CTCFL: variants seen among roughly 807,000 people sequenced by gnomAD.
CTCFL encodes the protein CCCTC-binding factor like, also known as transcriptional repressor CTCFL.
CTCFL carries 36 observed loss-of-function variants against 67.4 expected under a neutral mutation model. The observed-to-expected ratio is 0.53, with a 90% CI of 0.41 to 0.71. The LOEUF (loss-of-function observed/expected upper bound fraction) is 0.71. Among genes scored for constraint, CTCFL ranks in the 30% least tolerant of loss-of-function variants. The pLI is 0.00. For missense variants in CTCFL, 786 were observed against 835.2 expected (o/e 0.94, Z 0.73); for synonymous variants, 324 against 302.3 (o/e 1.07, Z -0.75).
intron 9 of CTCFL, chr20:57,507,217 A>T: frequency 4.8e-6 from 1 of 210,356 alleles, no homozygotes; most frequent in Non-Finnish European, 8.4e-6. Flanking sequence ...TTTGAGACAG[A>T]GTCTTGCTCT....
chr20:57,514,954 C>A, intron 6 of CTCFL: 1 of 565,748 alleles, frequency 1.8e-6, no homozygotes, highest in Non-Finnish European at 3.1e-6. Context: ...ACATGACTTC[C>A]CCGCATCTGG....
In CTCFL at chr20:57,497,227, A is replaced by C. The variant is rs2067735520; in HGVS notation, c.*1323T>G. 1.0e-6 allele frequency: 1 copy of C among 962,546 alleles called. No individual in the cohort carries two copies. Among genetic ancestry groups the C allele is most frequent in the African/African-American group, 1.8e-5 (1 of 56,764 alleles). The allele number at this position is 962,546 out of a possible 1,614,324, so 59.6% of individuals were successfully genotyped here. A position where few individuals can be genotyped will look rare whatever the true frequency, so the allele number is the denominator to read the frequency against. On this transcript the variant is annotated 3_prime_UTR_variant, in exon 11 of 11. Coordinates refer to ENST00000243914, the MANE Select transcript of CTCFL (RefSeq NM_001386993.1). ...TAAAACATCTTTAAATAACAGTAAA[A>C]AAATTAAGAAACCATTGCACAAATT...
At position 57,498,588 on chromosome 20, in the gene CTCFL, C is replaced by T. The variant is rs28472888; in HGVS notation, c.1954G>A (p.Val652Met). 2.6e-3 allele frequency: 4,140 copies of T among 1,614,096 alleles called. 107 individuals are homozygous for T. In the African/African-American group the frequency reaches 0.049, roughly 19 times the overall value. Reference protein sequence around the residue: ...ARVKEEVDEGVTCEMLLNTMD... With the variant: ...ARVKEEVDEGMTCEMLLNTMD... Reference sequence around the variant, plus strand: ...GTGTTGAGGAGCATTTCACAGGTCACGCCTTCATCCACTTCCTCTTTGACT... The same window carrying T: ...GTGTTGAGGAGCATTTCACAGGTCATGCCTTCATCCACTTCCTCTTTGACT... The change falls in exon 11 of 11, where the codon GTG (valine) becomes ATG (methionine). Residue 652 changes from valine (V) to methionine (M), a missense_variant. Val to Met is a conservative substitution (Grantham distance 21). Transcript: ENST00000243914.
intron 7 of CTCFL, 76 bp from the exon 8 acceptor site, chr20:57,512,828 G>A (rs1378464785): frequency 1.1e-5 from 16 of 1,450,496 alleles, no homozygotes; most frequent in South Asian, 2.5e-5. Flanking sequence ...CCTCTAAACC[G>A]GGGTTTCTCA....
At chr20:57,524,306 T>C (rs1414934954) in intron 1 of CTCFL, 90 bp from the exon 2 acceptor site, 2 of 1,518,114 alleles carry the variant, frequency 1.3e-6, no homozygotes, top group African/African-American at 1.4e-5. Flanking sequence ...CTAGCAGGCT[T>C]TGGAGTTGAA....
At chr20:57,506,904 G>C in intron 9 of CTCFL, 1 of 985,146 alleles carries the variant, frequency 1.0e-6, no homozygotes, top group East Asian at 1.1e-4. Context: ...AAACTAATAG[G>C]GTTGACATTC....
At chr20:57,520,933 A>T (rs891378503) in intron 3 of CTCFL, among the ~76,000 whole-genome samples, 1 of 152,232 alleles carries the variant, frequency 6.6e-6, no homozygotes. Context: ...TGTCCTTATA[A>T]GAAGAGGAAA....
intron 7 of CTCFL, among the ~76,000 whole-genome samples, chr20:57,514,087 C>A (rs1339232540): frequency 6.6e-6 from 1 of 152,230 alleles, no homozygotes; most frequent in Non-Finnish European, 1.5e-5. Flanking sequence ...CGCCTCCTTT[C>A]CCGAAGTGAC....
chr20:57,504,993 T>C (rs11700100), intron 9 of CTCFL, among the ~76,000 whole-genome samples: 38,856 of 151,672 alleles, frequency 0.26, 7,104 homozygotes, highest in Non-Finnish European at 0.35. Flanking sequence ...GGTGTGGATA[T>C]CTGGTCTTAC....
rs267606013 is a variant in CTCFL, at chr20:57,514,606, C to T, written c.1316G>A (p.Arg439Gln). 6 of 1,613,980 alleles carry T rather than the reference C, an allele frequency of 3.7e-6. No individual in the cohort carries two copies. Among genetic ancestry groups the T allele is most frequent in the East Asian group, 2.2e-5 (1 of 44,900 alleles). Residue 439 changes from arginine to glutamine, a missense_variant, in exon 7 of 11, where the codon CGG becomes CAG. By Grantham distance (43) the Arg-to-Gln change is conservative. Around this residue, in one of 3 missense-constraint regions of CTCFL, gnomAD observed 254 missense variants for 333.9 expected, o/e 0.76. Coordinates refer to ENST00000243914, the MANE Select transcript of CTCFL (RefSeq NM_001386993.1). ...AAACCACTCACGTAGGTCGCTTTTC[C>T]GTGCAATGATGGTGGCACAATGGGG... is the stretch of plus-strand genomic sequence containing the variant. ...QCPHCATIIA[R>Q]KSDLRVHMRN...
intron 10 of CTCFL, among the ~76,000 whole-genome samples, chr20:57,501,432 T>G (rs1453134963): frequency 6.8e-6 from 1 of 147,960 alleles, no homozygotes. Context: ...GGGGGGTGGG[T>G]TCCAGACTCA....
intron 9 of CTCFL, chr20:57,507,097 G>A (rs934595301): frequency 1.0e-6 from 1 of 962,250 alleles, no homozygotes; most frequent in African/African-American, 1.8e-5. Context: ...TAAATGTCCT[G>A]AAATTCTTTG....
intron 9 of CTCFL, chr20:57,507,714 A>G: frequency 1.4e-6 from 1 of 703,006 alleles, no homozygotes; most frequent in Non-Finnish European, 2.6e-6. Context: ...CCTGGCGGAC[A>G]TCCTGACTGC....
chr20:57,524,894 C>T, intron 1 of CTCFL, 134 bp downstream of exon 1: 1 of 362,346 alleles, frequency 2.8e-6, no homozygotes, highest in Non-Finnish European at 3.8e-6. Context: ...CCCGACCCGA[C>T]CCTCCCAGGC....
downstream of CTCFL, chr20:57,497,107 C>T (rs941352915): frequency 5.3e-5 from 21 of 397,978 alleles, no homozygotes; most frequent in African/African-American, 4.4e-4. Flanking sequence ...CCAATTTCTC[C>T]ACATTCTCTC....
chr20:57,497,147 T>C (rs530517313), downstream of CTCFL: 8 of 655,290 alleles, frequency 1.2e-5, no homozygotes, highest in South Asian at 5.4e-4. Flanking sequence ...TAAAGACCAA[T>C]GCTGACATAT....
In CTCFL at chr20:57,512,507, G is replaced by GT; in HGVS notation, c.1491+84dup. ...TCTATTAAAAGCATGACTTTTCTCAGTATCTTCAAGGTGGTAGAGAATCCC... is the reference window on the plus strand; with the variant it reads ...TCTATTAAAAGCATGACTTTTCTCAGTTATCTTCAAGGTGGTAGAGAATCCC... On this transcript the variant is annotated intron_variant, in intron 8 of 10. Transcript: ENST00000243914. 9 of 1,338,008 alleles carry GT rather than the reference G, an allele frequency of 6.7e-6. No individual in the cohort carries two copies. In the Middle Eastern group the frequency reaches 9.6e-4, roughly 143 times the overall value. 82.9% of individuals were successfully genotyped at this position (1,338,008 alleles called of 1,614,324 possible).
In CTCFL at chr20:57,523,743, C is replaced by T. The variant is rs368620834; in HGVS notation, c.463G>A (p.Ala155Thr). 1.2e-6 allele frequency: 2 copies of T among 1,613,274 alleles called. No homozygotes were observed. Among genetic ancestry groups the T allele is most frequent in the Middle Eastern group, 1.6e-4 (1 of 6,084 alleles). Residue 155 changes from alanine (A) to threonine (T), a missense_variant, in exon 2 of 11, where the codon GCT (alanine) becomes ACT (threonine). Around this residue, in one of 3 missense-constraint regions of CTCFL, gnomAD observed 333 missense variants for 304.6 expected, o/e 1.09. Coordinates refer to ENST00000243914, the MANE Select transcript of CTCFL (RefSeq NM_001386993.1). ...PQEMEVLQFHALEENVMVASE... is the reference protein window; with the variant it reads ...PQEMEVLQFHTLEENVMVASE... Reference sequence around the variant, plus strand: ...GCCACCATCACATTCTCCTCTAGAGCGTGGAACTGCAACACCTCCATCTCT... The same window carrying T: ...GCCACCATCACATTCTCCTCTAGAGTGTGGAACTGCAACACCTCCATCTCT...
At chr20:57,495,987 ATC>A (rs2067721162), downstream of CTCFL, 3 of 341,830 alleles carry the variant, frequency 8.8e-6, no homozygotes, top group South Asian at 3.0e-4. Flanking sequence ...TATTTATGTT[ATC>A]TGTTTTTGAA....
Sources: allele counts gnomAD v4.1 joint callset (sites outside exome capture counted in the v4.1 genomes callset), GRCh38; gene constraint gnomAD v4.1.1; regional missense constraint gnomAD v4.1.1; transcripts MANE v1.5; gene names NCBI Gene and HGNC (gene_info 2026-07-23, HGNC 2026-07-21).